The following KIAA1217 variants were observed in gnomAD, a reference collection of about 807,000 sequenced individuals.
KIAA1217 encodes KIAA1217.
KIAA1217 carries 88 observed loss-of-function variants against 163.9 expected under a neutral mutation model. The observed-to-expected ratio is 0.54, with a 90% confidence interval of 0.45 to 0.64. The LOEUF (loss-of-function observed/expected upper bound fraction) is 0.64. Ranked by LOEUF, KIAA1217 falls within the 30% of genes least tolerant of loss-of-function variation. KIAA1217 has a pLI of 0.00. For missense variants in KIAA1217, 2,372 were observed against 2,475.0 expected (o/e 0.96, Z 0.88); for synonymous variants, 903 against 923.1 (o/e 0.98, Z 0.39).
chr10:23,960,705 G>T (rs1007617436), intron 1 of KIAA1217, among the ~76,000 whole-genome samples: 2 of 151,980 alleles, frequency 1.3e-5, no homozygotes, highest in African/African-American at 4.8e-5. Flanking sequence ...AGATAGCCAG[G>T]GCCAATAAAT....
intron 1 of KIAA1217, among the ~76,000 whole-genome samples, chr10:23,714,132 C>A (rs964295354): frequency 6.6e-6 from 1 of 152,110 alleles, no homozygotes; most frequent in Non-Finnish European, 1.5e-5. Context: ...TTCTCCATAT[C>A]CAATCAGTTG....
intron 2 of KIAA1217, among the ~76,000 whole-genome samples, chr10:24,327,402 A>G (rs955015076): frequency 6.6e-6 from 1 of 152,206 alleles, no homozygotes; most frequent in Non-Finnish European, 1.5e-5. Flanking sequence ...AAAGTCCCCT[A>G]TAAGTATAAA....
rs1431693919 is a variant in KIAA1217, at chr10:24,432,978, G to C, written c.554-17G>C. 6.2e-7 allele frequency: 1 copy of C among 1,611,346 alleles called. No homozygotes were observed. The highest frequency in any genetic ancestry group is 1.3e-5 in the African/African-American group (1 of 74,862). ...GAGTCTTGACCTGTGACTAATAACT[G>C]TTTCCTTTGTGTGCAGGGGTTCTCT... On this transcript the variant is annotated splice_polypyrimidine_tract_variant and intron_variant, in intron 3 of 20. Coordinates refer to ENST00000376454, the MANE Select transcript of KIAA1217 (RefSeq NM_019590.5).
At position 24,155,826 on chromosome 10, in the gene KIAA1217, TA is replaced by T. The variant is rs889516694; in HGVS notation, c.-170-63789del. On this transcript the variant is annotated intron_variant, in intron 2 of 18. Transcript: ENST00000376462. ...GACACAGTGAGACTCTGACTTGGAA[TA>T]AAAAAAAAAATGTTAGGTTTGCAAC... Among the ~76,000 whole-genome samples the T allele has an allele frequency of 3.9e-3, 560 of 144,938 alleles. 2 individuals carry two copies. Among genetic ancestry groups the T allele is most frequent in the Middle Eastern group, 6.9e-3 (2 of 290 alleles).
chr10:24,520,897 A>AT (rs1340351727), intron 11 of KIAA1217, among the ~76,000 whole-genome samples: 1 of 149,638 alleles, frequency 6.7e-6, no homozygotes, highest in Non-Finnish European at 1.5e-5. Flanking sequence ...ATTAAATTAA[A>AT]TTAAAAACCT....
rs539423455 is a variant in KIAA1217, at chr10:24,448,713, C to G, written c.846+10234C>G. On this transcript the variant is annotated intron_variant, in intron 5 of 20. Transcript: ENST00000376454. ...CTTGCTTTTAGATTGAGTCGATAGT[C>G]AGTATTTCAAATATCTCTAAACTTA... is the stretch of plus-strand genomic sequence containing the variant. Among the ~76,000 whole-genome samples, 5 of 152,266 alleles carry G rather than the reference C, an allele frequency of 3.3e-5. No homozygotes were observed. The South Asian group carries it at 1.0e-3, about 32-fold the overall frequency.
intron 2 of KIAA1217, among the ~76,000 whole-genome samples, chr10:24,072,689 T>G (rs1160701188): frequency 2.0e-5 from 3 of 152,146 alleles, no homozygotes; most frequent in African/African-American, 4.8e-5. Flanking sequence ...AGGCTATGCT[T>G]AGAACACTGA....
At position 24,174,951 on chromosome 10, in the gene KIAA1217, G is replaced by A. The variant is rs150085078; in HGVS notation, c.-170-44675G>A. On this transcript the variant is annotated intron_variant, in intron 2 of 18. Coordinates refer to the KIAA1217 transcript ENST00000376462. Reference sequence around the variant, plus strand: ...CAACTCACTGCAACCTCTGCCTCCCGGGTTCAACTGATTCTCTTGCCTCAG... The same window carrying A: ...CAACTCACTGCAACCTCTGCCTCCCAGGTTCAACTGATTCTCTTGCCTCAG... 7.3e-4 allele frequency among the ~76,000 whole-genome samples: 111 copies of A among 152,054 alleles called. 2 individuals carry two copies. In the East Asian group the frequency reaches 0.012, roughly 16 times the overall value.
At chr10:24,533,305 A>T in intron 16 of KIAA1217, 68 bp downstream of exon 16, 1 of 1,486,466 alleles carries the variant, frequency 6.7e-7, no homozygotes, top group Non-Finnish European at 9.1e-7. Flanking sequence ...CATGGCACTC[A>T]CAGATTTGTT....
At chr10:24,054,435 G>C (rs1849738685) in intron 2 of KIAA1217, among the ~76,000 whole-genome samples, 1 of 152,184 alleles carries the variant, frequency 6.6e-6, no homozygotes, top group South Asian at 2.1e-4. Flanking sequence ...TCTGAGGAGA[G>C]AAAGTAGCCC....
At chr10:24,339,597 T>A (rs948478262) in intron 2 of KIAA1217, among the ~76,000 whole-genome samples, 3 of 152,202 alleles carry the variant, frequency 2.0e-5, no homozygotes, top group African/African-American at 7.2e-5. Flanking sequence ...CTAGAGCAGG[T>A]GTTGTACGTG....
At chr10:24,201,835 T>C (rs2067271155) in intron 2 of KIAA1217, among the ~76,000 whole-genome samples, 2 of 152,154 alleles carry the variant, frequency 1.3e-5, no homozygotes, top group African/African-American at 4.8e-5. Flanking sequence ...CTTGAAGAAG[T>C]TGGAGGCATG....
chr10:23,770,224 A>G (rs1321689144), intron 1 of KIAA1217, among the ~76,000 whole-genome samples: 1 of 152,146 alleles, frequency 6.6e-6, no homozygotes, highest in Non-Finnish European at 1.5e-5. Flanking sequence ...CATCTTTTTC[A>G]CTGCTCCAAA....
At chr10:24,175,767 C>G (rs1401994758) in intron 2 of KIAA1217, among the ~76,000 whole-genome samples, 3 of 152,066 alleles carry the variant, frequency 2.0e-5, no homozygotes, top group Non-Finnish European at 4.4e-5. Context: ...TGCAGACCTT[C>G]GTGGTGAGTG....
chr10:23,855,537 A>G (rs1483073979), intron 1 of KIAA1217, among the ~76,000 whole-genome samples: 1 of 151,990 alleles, frequency 6.6e-6, no homozygotes, highest in Admixed American at 6.6e-5. Flanking sequence ...CATTCTCTGT[A>G]TTTCCTGAAT....
rs113361596 is a variant in KIAA1217 at position 23,834,662 on chromosome 10, G to A, written c.-321+139428G>A. Among the ~76,000 whole-genome samples the A allele has an allele frequency of 5.2e-3, 792 of 152,274 alleles. 11 individuals are homozygous for A. The highest frequency in any genetic ancestry group is 0.017 in the African/African-American group (715 of 41,558). Reference sequence around the variant, plus strand: ...AAATGGCAAGGGGGCAGTGTGGCTGGAATGAAGAAAGGAACAGGTAGAAGC... The same window carrying A: ...AAATGGCAAGGGGGCAGTGTGGCTGAAATGAAGAAAGGAACAGGTAGAAGC... On this transcript the variant is annotated intron_variant, in intron 1 of 18. Coordinates refer to the KIAA1217 transcript ENST00000376462.
intron 1 of KIAA1217, among the ~76,000 whole-genome samples, chr10:23,946,268 A>T (rs1844035816): frequency 2.0e-5 from 1 of 50,422 alleles, no homozygotes; most frequent in Non-Finnish European, 3.2e-5. Context: ...TCTTCCGTTT[A>T]AAAAAAAAAA....
intron 3 of KIAA1217, among the ~76,000 whole-genome samples, chr10:24,395,526 G>C (rs939962123): frequency 6.6e-6 from 1 of 152,114 alleles, no homozygotes; most frequent in East Asian, 1.9e-4. Context: ...CAGTGCTTAA[G>C]GCCAGTGCAC....
At chr10:24,189,681 T>A (rs956536029) in intron 2 of KIAA1217, among the ~76,000 whole-genome samples, 1 of 152,076 alleles carries the variant, frequency 6.6e-6, no homozygotes, top group Non-Finnish European at 1.5e-5. Flanking sequence ...GACTGCGTGT[T>A]TTTATGTTTG....
Sources: allele counts gnomAD v4.1 joint callset (sites outside exome capture counted in the v4.1 genomes callset), GRCh38; gene constraint gnomAD v4.1.1; transcripts MANE v1.5; gene names NCBI Gene and HGNC (gene_info 2026-07-23, HGNC 2026-07-21).